Variants in CCDC33 observed in about 807,000 individuals in gnomAD.
CCDC33 encodes the protein coiled-coil domain-containing protein 33.
Under a neutral mutation model 91.9 loss-of-function variants are expected in CCDC33, and 94 were observed. The observed-to-expected ratio is 1.02, with a 90% CI of 0.87 to 1.21. The LOEUF (loss-of-function observed/expected upper bound fraction) is 1.21, where lower values mean the gene tolerates loss of function less well. Ranked by LOEUF, CCDC33 falls within the 50% of genes most tolerant of loss-of-function variation. The pLI is 0.00. For missense variants in CCDC33, 940 were observed against 935.5 expected, an observed-to-expected ratio of 1.00 and a Z score of -0.06; for synonymous variants, 396 against 374.5, an observed-to-expected ratio of 1.06 and a Z score of -0.66.
At chr15:74,307,984 G>A (rs947932345) in intron 11 of CCDC33, among the ~76,000 whole-genome samples, 2 of 151,860 alleles carry the variant, frequency 1.3e-5, no homozygotes, top group Non-Finnish European at 2.9e-5. Flanking sequence ...GTGCATAAGG[G>A]TATACTGCCA....
chr15:74,275,350 A>G (rs188635056), intron 7 of CCDC33, among the ~76,000 whole-genome samples: 40 of 152,296 alleles, frequency 2.6e-4, no homozygotes, highest in Admixed American at 2.6e-3. Flanking sequence ...TCCAAGGTAA[A>G]TGGGTTCCAC....
intron 11 of CCDC33, among the ~76,000 whole-genome samples, chr15:74,309,796 G>C (rs1363561610): frequency 6.6e-6 from 1 of 152,120 alleles, no homozygotes; most frequent in African/African-American, 2.4e-5. Flanking sequence ...GACCCCCCAA[G>C]TCCTCCACCA....
chr15:74,318,466 G>A, intron 11 of CCDC33: 2 of 562,426 alleles, frequency 3.6e-6, no homozygotes, highest in Non-Finnish European at 6.3e-6. Flanking sequence ...TGGAACAAAG[G>A]GGAAGTGGCC....
chr15:74,330,381 A>T, intron 12 of CCDC33, 27 bp downstream of exon 12: 2 of 1,536,382 alleles, frequency 1.3e-6, no homozygotes, highest in Non-Finnish European at 1.8e-6. Flanking sequence ...CACCAAGGGC[A>T]CCCGGGCTTC....
intron 2 of CCDC33, among the ~76,000 whole-genome samples, chr15:74,255,897 C>T (rs1041901494): frequency 3.9e-5 from 6 of 152,256 alleles, no homozygotes; most frequent in Admixed American, 6.5e-5. Flanking sequence ...GCCACTGGCT[C>T]AGCAGCCTGG....
chr15:74,265,997 C>G (rs1446893219), intron 3 of CCDC33, among the ~76,000 whole-genome samples: 1 of 152,186 alleles, frequency 6.6e-6, no homozygotes, highest in East Asian at 1.9e-4. Flanking sequence ...ACACTCCAGC[C>G]TGGGTGACAA....
chr15:74,276,665 C>G (rs564424131), intron 7 of CCDC33, among the ~76,000 whole-genome samples: 48 of 152,362 alleles, frequency 3.2e-4, no homozygotes, highest in African/African-American at 1.0e-3. Flanking sequence ...GCCAGGTCCA[C>G]AGGCCCTGTG....
intron 2 of CCDC33, among the ~76,000 whole-genome samples, chr15:74,248,023 GC>G (rs898082937): frequency 5.8e-4 from 89 of 152,226 alleles, no homozygotes; most frequent in African/African-American, 2.1e-3. Flanking sequence ...GTTGCGCTGA[GC>G]CGAGACTGTG....
intron 2 of CCDC33, among the ~76,000 whole-genome samples, chr15:74,261,787 G>A (rs1345693207): frequency 6.6e-6 from 1 of 152,200 alleles, no homozygotes; most frequent in Non-Finnish European, 1.5e-5. Context: ...AACAATCTGA[G>A]TGCTTGAGGG....
chr15:74,327,700 G>A (rs903068494), intron 11 of CCDC33, among the ~76,000 whole-genome samples: 1 of 152,126 alleles, frequency 6.6e-6, no homozygotes, highest in Non-Finnish European at 1.5e-5. Context: ...AGAACAGGAG[G>A]GTCTTAGAAA....
intron 7 of CCDC33, 74 bp from the exon 8 acceptor site, chr15:74,279,889 A>G: frequency 6.5e-7 from 1 of 1,547,388 alleles, no homozygotes; most frequent in Admixed American, 2.0e-5. Flanking sequence ...GATACACAAA[A>G]CCAAATATCT....
At chr15:74,223,723 TAC>T (rs55820464) in intron 2 of CCDC33, among the ~76,000 whole-genome samples, 4,587 of 112,194 alleles carry the variant, frequency 0.041, 81 homozygotes, top group East Asian at 0.065. Flanking sequence ...ACCGCCAGCA[TAC>T]ACACACACAC....
chr15:74,305,746 C>G (rs187318146), intron 11 of CCDC33, among the ~76,000 whole-genome samples: 1 of 152,282 alleles, frequency 6.6e-6, no homozygotes, highest in African/African-American at 2.4e-5. Flanking sequence ...TTCATTTGTT[C>G]GACCAGGGTT....
chr15:74,295,791 C>G lies in CCDC33; in HGVS notation c.1133C>G (p.Ala378Gly). The G allele has an allele frequency of 6.2e-7, 1 of 1,613,928 alleles. No individual in the cohort carries two copies. Among genetic ancestry groups the G allele is most frequent in the South Asian group, 1.1e-5 (1 of 91,036 alleles). ...TTCTTGACACCAAACAACAGCAAGG[C>G]TCTTCCTACCTTGGACCCCAAGATC... ...ENFLTPNNSK[A>G]LPTLDPKILD... Residue 378 changes from alanine (A) to glycine (G), a missense_variant, in exon 11 of 19, where the codon GCT becomes GGT. Transcript: ENST00000398814.
intron 2 of CCDC33, among the ~76,000 whole-genome samples, chr15:74,219,196 GA>G (rs1458299707): frequency 2.0e-5 from 3 of 152,220 alleles, no homozygotes; most frequent in Non-Finnish European, 4.4e-5. Flanking sequence ...GTGACCAGGG[GA>G]CAGAAGCCTC....
At chr15:74,324,469 G>T (rs567730469) in intron 11 of CCDC33, among the ~76,000 whole-genome samples, 5 of 151,832 alleles carry the variant, frequency 3.3e-5, no homozygotes, top group Admixed American at 6.6e-5. Flanking sequence ...CATCCAAGCC[G>T]CAAGACTCAA....
upstream of CCDC33, among the ~76,000 whole-genome samples, chr15:74,232,268 G>C (rs1429204641): frequency 6.6e-6 from 1 of 152,110 alleles, no homozygotes; most frequent in Non-Finnish European, 1.5e-5. Flanking sequence ...GAAAAAGAAG[G>C]CATTCAAATT....
chr15:74,209,501 G>A, exon 2 of CCDC33: 1 of 1,479,700 alleles, frequency 6.8e-7, no homozygotes, highest in Non-Finnish European at 9.1e-7. Flanking sequence ...CAGCTAAGGG[G>A]AGTCATCACA....
At position 74,272,764 on chromosome 15, in the gene CCDC33, T is replaced by G; in HGVS notation, c.639-7T>G. The G allele has an allele frequency of 6.2e-7, 1 of 1,613,698 alleles. No individual in the cohort carries two copies. On this transcript the variant is annotated splice_region_variant and splice_polypyrimidine_tract_variant and intron_variant, in intron 6 of 18. Coordinates refer to ENST00000398814, the MANE Select transcript of CCDC33 (RefSeq NM_025055.5). ...AGAGCACTGACCCTGTCTCCCTGCCTCCCCAGGGTCAGCCAGGCTAACAGG... is the reference window on the plus strand; with the variant it reads ...AGAGCACTGACCCTGTCTCCCTGCCGCCCCAGGGTCAGCCAGGCTAACAGG...
Sources: allele counts gnomAD v4.1 joint callset (sites outside exome capture counted in the v4.1 genomes callset), GRCh38; gene constraint gnomAD v4.1.1; transcripts MANE v1.5; gene names NCBI Gene and HGNC (gene_info 2026-07-23, HGNC 2026-07-21).